Variants in BAMBI observed in about 807,000 individuals in gnomAD.
BAMBI encodes BMP and activin membrane bound inhibitor.
A neutral mutation model predicts 24.1 loss-of-function variants in BAMBI; 21 were observed. The observed-to-expected ratio is 0.87, with a 90% CI of 0.62 to 1.26. BAMBI has a LOEUF of 1.26. Among genes scored for constraint, BAMBI ranks in the 50% most tolerant of loss-of-function variants. The pLI, the probability that BAMBI is intolerant of heterozygous loss-of-function variation, is 0.00. For synonymous variants in BAMBI, 156 were observed against 123.1 expected, an observed-to-expected ratio of 1.27 and a Z score of -1.77; for missense variants, 388 against 329.1, an observed-to-expected ratio of 1.18 and a Z score of -1.38.
chr10:28,682,665 G>A lies in BAMBI; in HGVS notation c.*264G>A, dbSNP rs1588644652. ...TCACCAGGGTTATTTGCATCCAAGGGAGCTGGAATTGAGTACCTAAATAAA... is the reference window on the plus strand; with the variant it reads ...TCACCAGGGTTATTTGCATCCAAGGAAGCTGGAATTGAGTACCTAAATAAA... On this transcript the variant is annotated 3_prime_UTR_variant, in exon 3 of 3. Coordinates refer to ENST00000375533, the MANE Select transcript of BAMBI (RefSeq NM_012342.3). The A allele has an allele frequency of 5.8e-6, 2 of 343,886 alleles. No individual in the cohort carries two copies. Among genetic ancestry groups the A allele is most frequent in the African/African-American group, 4.2e-5 (2 of 48,114 alleles). 21.3% of individuals were successfully genotyped at this position (343,886 alleles called of 1,614,324 possible).
chr10:28,680,826 G>A (rs1363192908), intron 1 of BAMBI, among the ~76,000 whole-genome samples: 1 of 152,106 alleles, frequency 6.6e-6, no homozygotes, highest in Non-Finnish European at 1.5e-5. Context: ...TTAACTCTTG[G>A]TGCAGTCCTG....
At position 28,682,081 on chromosome 10, in the gene BAMBI, ATTGCCGTGCC is replaced by A; in HGVS notation, c.464_473del (p.Ile155ThrfsTer6). 1 of 1,614,104 alleles carries A rather than the reference ATTGCCGTGCC, an allele frequency of 6.2e-7. No individual in the cohort carries two copies. Among genetic ancestry groups the A allele is most frequent in the Non-Finnish European group, 8.5e-7 (1 of 1,180,018 alleles). ...AGAGTTGTGGTTCCGGGCAGCGGTCATTGCCGTGCCCATTGCTGGAGGGCTGATTTTAGTG... is the reference window on the plus strand; with the variant it reads ...AGAGTTGTGGTTCCGGGCAGCGGTCACATTGCTGGAGGGCTGATTTTAGTG... On this transcript the variant is annotated frameshift_variant, in exon 3 of 3. Transcript: ENST00000375533. LOFTEE classifies it high-confidence loss of function.
chr10:28,682,474 A>G lies in BAMBI; in HGVS notation c.*73A>G. The stretch of plus-strand genomic sequence containing the variant: ...GAGTTCTGCTGGACAGGAGCACTTT[A>G]TCTGAAGACAAACTCATTTAATCAT... On this transcript the variant is annotated 3_prime_UTR_variant, in exon 3 of 3. Transcript: ENST00000375533. The G allele has an allele frequency of 1.5e-6, 2 of 1,354,816 alleles. No homozygotes were observed. The highest frequency in any genetic ancestry group is 1.5e-5 in the African/African-American group (1 of 68,772). 83.9% of individuals were successfully genotyped at this position (1,354,816 alleles called of 1,614,324 possible).
At chr10:28,678,108 T>C (rs956625483) in intron 1 of BAMBI, 135 bp downstream of exon 1, 115 of 740,548 alleles carry the variant, frequency 1.6e-4, no homozygotes, top group Non-Finnish European at 2.2e-4. Context: ...AGTTGCTGTG[T>C]TCTTAGAAGT....
In BAMBI at chr10:28,682,380, C is replaced by T. The variant is rs140742882; in HGVS notation, c.762C>T (p.His254=). ...TTCACTGGGGCATGTACAGTGGGCA[C>T]GGGAAGCTGGAATTCGTATGACGGA... ...SLVHWGMYSG[H]GKLEFV is the part of the protein sequence containing the mutation. Residue 254 remains histidine, a synonymous_variant, in exon 3 of 3, where the codon CAC becomes CAT. Coordinates refer to ENST00000375533, the MANE Select transcript of BAMBI (RefSeq NM_012342.3). 6.2e-4 allele frequency: 1,003 copies of T among 1,610,164 alleles called. 2 individuals are homozygous for T. Among genetic ancestry groups the T allele is most frequent in the Non-Finnish European group, 7.8e-4 (922 of 1,176,682 alleles).
rs1834511607 is a variant in BAMBI, at chr10:28,682,548, C to T, written c.*147C>T. On this transcript the variant is annotated 3_prime_UTR_variant, in exon 3 of 3. Coordinates refer to ENST00000375533, the MANE Select transcript of BAMBI (RefSeq NM_012342.3). ...GCAAACAGAATCTTGGATATTTCTT[C>T]TGAAGGATTATTTGCACAGACTTAA... The T allele has an allele frequency of 4.2e-6, 3 of 714,462 alleles. No homozygotes were observed. The highest frequency in any genetic ancestry group is 3.0e-5 in the Admixed American group (1 of 33,252). 44.3% of individuals were successfully genotyped at this position (714,462 alleles called of 1,614,324 possible). A position where few individuals can be genotyped will look rare whatever the true frequency, so the allele number is the denominator to read the frequency against.
At position 28,681,370 on chromosome 10, in the gene BAMBI, C is replaced by G; in HGVS notation, c.189C>G (p.Ser63=). The G allele has an allele frequency of 6.2e-7, 1 of 1,614,132 alleles. No homozygotes were observed. The highest frequency in any genetic ancestry group is 8.5e-7 in the Non-Finnish European group (1 of 1,180,014). Residue 63 remains serine (S), a synonymous_variant, in exon 2 of 3, where the codon TCC becomes TCG. Coordinates refer to ENST00000375533, the MANE Select transcript of BAMBI (RefSeq NM_012342.3). ...TTCTTGATCCTCAGAACTCAAATTC[C>G]CCACTCACCCATGGCTGCCTGGACT... is the stretch of plus-strand genomic sequence containing the variant. ...SRLLDPQNSN[S]PLTHGCLDSL...
chr10:28,681,558 CG>C lies in BAMBI; in HGVS notation c.364+14del. 1.2e-6 allele frequency: 2 copies of C among 1,609,888 alleles called. No homozygotes were observed. The highest frequency in any genetic ancestry group is 1.7e-6 in the Non-Finnish European group (2 of 1,177,428). ...GGTGAGGCCTCAGGTAGGTGGAAGC[CG>C]TTTCTAACCAGAATGCCTGCCTGAT... On this transcript the variant is annotated intron_variant, in intron 2 of 2. Transcript: ENST00000375533.
Position 28,677,972 on chromosome 10 carries a change from A to G in BAMBI, c.75A>G (p.Lys25=). Residue 25 remains lysine (K), a splice_region_variant and synonymous_variant, in exon 1 of 3, where the codon AAA becomes AAG. Transcript: ENST00000375533. ...GCGCCATGGCCGTGCTGCTCACCAA[A>G]GGTGGGTGCCGGGGGCGCACGGGGC... The part of the protein sequence containing the change: ...ELCAMAVLLT[K]GEIRCYCDAA... The G allele has an allele frequency of 6.6e-7, 1 of 1,521,350 alleles. No homozygotes were observed. Among genetic ancestry groups the G allele is most frequent in the East Asian group, 2.6e-5 (1 of 39,186 alleles). 94.2% of individuals were successfully genotyped at this position (1,521,350 alleles called of 1,614,324 possible). A position where few individuals can be genotyped will look rare whatever the true frequency, so the allele number is the denominator to read the frequency against.
At position 28,682,379 on chromosome 10, in the gene BAMBI, A is replaced by G. The variant is rs1197909754; in HGVS notation, c.761A>G (p.His254Arg). 6.2e-7 allele frequency: 1 copy of G among 1,610,640 alleles called. No individual in the cohort carries two copies. ...GTTCACTGGGGCATGTACAGTGGGC[A>G]CGGGAAGCTGGAATTCGTATGACGG... Reference protein sequence around the residue: ...SLVHWGMYSGHGKLEFV With the variant: ...SLVHWGMYSGRGKLEFV Residue 254 changes from histidine (H) to arginine (R), a missense_variant, in exon 3 of 3, where the codon CAC (histidine) becomes CGC (arginine). His to Arg is a conservative substitution (Grantham distance 29, BLOSUM62 0). Coordinates refer to ENST00000375533, the MANE Select transcript of BAMBI (RefSeq NM_012342.3).
chr10:28,681,870 T>C, intron 2 of BAMBI, 113 bp from the exon 3 acceptor site: 1 of 1,124,982 alleles, frequency 8.9e-7, no homozygotes, highest in South Asian at 1.6e-5. Flanking sequence ...ATATCGTTGA[T>C]TTAATTGTAA....
Position 28,681,311 on chromosome 10 carries a change from T to G in BAMBI, c.130T>G (p.Cys44Gly). The G allele has an allele frequency of 6.2e-7, 1 of 1,614,082 alleles. No homozygotes were observed. Among genetic ancestry groups the G allele is most frequent in the South Asian group, 1.1e-5 (1 of 91,092 alleles). ...AAHCVATGYM[C>G]KSELSACFSR... Reference sequence around the variant, plus strand: ...CCACTGTGTAGCCACTGGTTATATGTGTAAATCTGAGCTCAGCGCCTGCTT... The same window carrying G: ...CCACTGTGTAGCCACTGGTTATATGGGTAAATCTGAGCTCAGCGCCTGCTT... The change falls in exon 2 of 3, where the codon TGT becomes GGT. Residue 44 changes from cysteine (C) to glycine (G), a missense_variant. Physicochemically the swap from Cys to Gly is radical, Grantham distance 159. Coordinates refer to ENST00000375533, the MANE Select transcript of BAMBI (RefSeq NM_012342.3).
chr10:28,679,554 CT>C (rs918010748), intron 1 of BAMBI, among the ~76,000 whole-genome samples: 4 of 152,020 alleles, frequency 2.6e-5, no homozygotes, highest in Non-Finnish European at 5.9e-5. Flanking sequence ...GTAGTTAGAA[CT>C]TTCCCAGTTA....
rs947483596 is a variant in BAMBI at position 28,682,711 on chromosome 10, G to A, written c.*310G>A. ...ATAAACAAAAATGTGCCCTATGTAAGCTTCTACATCTTGATTTATTGTAAA... is the reference window on the plus strand; with the variant it reads ...ATAAACAAAAATGTGCCCTATGTAAACTTCTACATCTTGATTTATTGTAAA... On this transcript the variant is annotated 3_prime_UTR_variant, in exon 3 of 3. Transcript: ENST00000375533. The A allele has an allele frequency of 4.1e-5, 10 of 245,566 alleles. No individual in the cohort carries two copies. Among genetic ancestry groups the A allele is most frequent in the Non-Finnish European group, 7.8e-5 (10 of 127,920 alleles). The allele number at this position is 245,566 out of a possible 1,614,324, so 15.2% of individuals were successfully genotyped here.
rs766218275 is a variant in BAMBI, at chr10:28,681,442, C to T, written c.261C>T (p.Asn87=). The T allele has an allele frequency of 9.9e-6, 16 of 1,614,052 alleles. No homozygotes were observed. Among genetic ancestry groups the T allele is most frequent in the Middle Eastern group, 1.6e-4 (1 of 6,084 alleles). The stretch of plus-strand genomic sequence containing the variant: ...TCTGCCAAGCCAAACAGGCCCGAAA[C>T]CACTCTGGCACCACCATACCCACAT... ...TDICQAKQAR[N]HSGTTIPTLE... Residue 87 remains asparagine, a synonymous_variant, in exon 2 of 3, where the codon AAC becomes AAT. Transcript: ENST00000375533.
In BAMBI at chr10:28,682,200, G is replaced by T; in HGVS notation, c.582G>T (p.Leu194Phe). ...QDQRQQMLSR[L>F]HYSFHGHHSK... ...AGCGGCAACAGATGCTCTCCCGTTT[G>T]CACTACAGCTTTCACGGACACCATT... Residue 194 changes from leucine (L) to phenylalanine (F), a missense_variant, in exon 3 of 3, where the codon TTG becomes TTT. Transcript: ENST00000375533. 1.2e-6 allele frequency: 2 copies of T among 1,614,184 alleles called. No homozygotes were observed. Among genetic ancestry groups the T allele is most frequent in the Non-Finnish European group, 1.7e-6 (2 of 1,180,034 alleles).
chr10:28,677,815 C>T lies in BAMBI; in HGVS notation c.-83C>T, dbSNP rs2132943567. On this transcript the variant is annotated 5_prime_UTR_variant, in exon 1 of 3. Coordinates refer to ENST00000375533, the MANE Select transcript of BAMBI (RefSeq NM_012342.3). The stretch of plus-strand genomic sequence containing the variant: ...CCGCCGCTCCGGGCAGGGCCCATGC[C>T]CTGCGCGCTCCGGGGGTCGTAGGCT... 17 of 1,175,424 alleles carry T rather than the reference C, an allele frequency of 1.4e-5. No individual in the cohort carries two copies. Among genetic ancestry groups the T allele is most frequent in the South Asian group, 3.4e-5 (2 of 58,602 alleles). 72.8% of individuals were successfully genotyped at this position (1,175,424 alleles called of 1,614,324 possible). A position where few individuals can be genotyped will look rare whatever the true frequency, so the allele number is the denominator to read the frequency against.
chr10:28,677,686 G>C lies in BAMBI; in HGVS notation c.-212G>C. 3.7e-6 allele frequency: 1 copy of C among 273,250 alleles called. No homozygotes were observed. The highest frequency in any genetic ancestry group is 6.8e-6 in the Non-Finnish European group (1 of 147,446). The allele number at this position is 273,250 out of a possible 1,614,324, so 16.9% of individuals were successfully genotyped here. On this transcript the variant is annotated 5_prime_UTR_variant, in exon 1 of 3. Transcript: ENST00000375533. ...GAGCGGGGCAAGGGAGCCAGTGGCC[G>C]CCGACGGGGGACCGGGAAACTTTTC...
intron 2 of BAMBI, 192 bp from the exon 3 acceptor site, chr10:28,681,791 C>T (rs1264663225): frequency 8.1e-6 from 6 of 740,588 alleles, no homozygotes; most frequent in Non-Finnish European, 1.3e-5. Flanking sequence ...GCCATTACAT[C>T]TCAGTAATGA....
Sources: gnomAD v4.1 joint callset for allele counts (sites outside exome capture counted in the v4.1 genomes callset) on GRCh38, gnomAD v4.1.1 for gene constraint, MANE v1.5 for transcripts, NCBI Gene and HGNC (gene_info 2026-07-23, HGNC 2026-07-21) for gene names.